VWA8: variants seen among roughly 807,000 people sequenced by gnomAD.
VWA8 encodes von Willebrand factor A domain containing 8, also known as von Willebrand factor A domain-containing protein 8.
In VWA8, 221 loss-of-function variants were observed where a neutral mutation model predicts 241.5. That is an observed-to-expected ratio of 0.91 (90% CI 0.82 to 1.02). VWA8 has a LOEUF of 1.02. Ranked by LOEUF, VWA8 falls within the 50% of genes least tolerant of loss-of-function variation. VWA8 has a pLI of 0.00. For missense variants in VWA8, 2,322 were observed against 2,328.7 expected, an observed-to-expected ratio of 1.00 and a Z score of 0.06; for synonymous variants, 852 against 827.1, an observed-to-expected ratio of 1.03 and a Z score of -0.52.
In VWA8 at chr13:41,590,681, C is replaced by T. The variant is rs1478625384; in HGVS notation, c.5071G>A (p.Glu1691Lys). The change falls in exon 41 of 45, where the codon GAA becomes AAA. Residue 1691 changes from glutamate (E) to lysine (K), a missense_variant. By Grantham distance (56) the Glu-to-Lys change is moderately conservative. Transcript: ENST00000379310. ...DAKIIDGLTG[E>K]KAIYKRRGEL... ...CCCCGACGTTTGTAGATGGCTTTTT[C>T]TCCAGTCAGCCCATCAATGATCTTG... 1.1e-5 allele frequency: 17 copies of T among 1,613,972 alleles called. No individual in the cohort carries two copies. The highest frequency in any genetic ancestry group is 1.4e-5 in the Non-Finnish European group (17 of 1,180,016).
intron 2 of VWA8, among the ~76,000 whole-genome samples, chr13:41,919,429 G>A (rs1057294470): frequency 2.0e-5 from 3 of 152,120 alleles, no homozygotes; most frequent in African/African-American, 4.8e-5. Flanking sequence ...CCGACACTGT[G>A]CCTTACCCCA....
chr13:41,674,187 G>A (rs910498212), intron 36 of VWA8, among the ~76,000 whole-genome samples: 2 of 151,952 alleles, frequency 1.3e-5, no homozygotes, highest in Non-Finnish European at 2.9e-5. Flanking sequence ...CTGATTAAAG[G>A]GTCCTAAGAA....
chr13:41,915,766 A>C (rs1441629214), intron 2 of VWA8, among the ~76,000 whole-genome samples: 1 of 152,232 alleles, frequency 6.6e-6, no homozygotes. Context: ...CCAATTTTAC[A>C]TAAGTTTCTT....
chr13:41,719,703 C>A lies in VWA8; in HGVS notation c.3004G>T (p.Val1002Leu). 7 of 1,613,070 alleles carry A rather than the reference C, an allele frequency of 4.3e-6. No individual in the cohort carries two copies. The highest frequency in any genetic ancestry group is 5.9e-6 in the Non-Finnish European group (7 of 1,179,418). The part of the protein sequence containing the change: ...TEGLSSVVRN[V>L]FDFDSYNNDM... ...TTGTTGTAGGAATCAAAGTCAAACA[C>A]ATTTCGAACTACACTGGAGAGACCT... Residue 1002 changes from valine to leucine, a missense_variant, in exon 26 of 45, where the codon GTG (valine) becomes TTG (leucine). Physicochemically the swap from Val to Leu is conservative, Grantham distance 32 (BLOSUM62 1). Transcript: ENST00000379310.
chr13:41,623,507 T>A (rs1345700288), intron 37 of VWA8, among the ~76,000 whole-genome samples: 2 of 152,228 alleles, frequency 1.3e-5, no homozygotes, highest in Non-Finnish European at 2.9e-5. Flanking sequence ...CAGAAGCTAC[T>A]GTCTTGATCT....
intron 4 of VWA8, among the ~76,000 whole-genome samples, chr13:41,898,807 C>T (rs1298866309): frequency 0.028 from 1 of 36 alleles, no homozygotes; most frequent in Non-Finnish European, 0.042. Context: ...ACACCCTCCA[C>T]ACGCCGCTGG....
chr13:41,785,250 A>C (rs1869131291), intron 18 of VWA8, among the ~76,000 whole-genome samples: 2 of 152,164 alleles, frequency 1.3e-5, no homozygotes. Flanking sequence ...AAGAGGAAAG[A>C]ATAATGAGAA....
Position 41,868,486 on chromosome 13 carries a change from T to G in VWA8, c.1081-9A>C. The stretch of plus-strand genomic sequence containing the variant: ...TCTTGAAGTTCAAAGCGCTGTAAAA[T>G]TACAAGAAAATCATGCAATTTACTT... On this transcript the variant is annotated splice_polypyrimidine_tract_variant and intron_variant, in intron 9 of 44. Transcript: ENST00000379310. 6.2e-7 allele frequency: 1 copy of G among 1,607,728 alleles called. No homozygotes were observed. Among genetic ancestry groups the G allele is most frequent in the Non-Finnish European group, 8.5e-7 (1 of 1,177,386 alleles).
intron 4 of VWA8, among the ~76,000 whole-genome samples, chr13:41,906,853 G>A (rs955122582): frequency 1.3e-5 from 2 of 151,998 alleles, no homozygotes; most frequent in Non-Finnish European, 2.9e-5. Context: ...ATTAATACTG[G>A]ACATTAGCAA....
intron 12 of VWA8, among the ~76,000 whole-genome samples, chr13:41,847,875 C>A (rs1386676858): frequency 2.6e-5 from 4 of 152,198 alleles, no homozygotes; most frequent in African/African-American, 9.7e-5. Context: ...ATGCAACATA[C>A]TCTAACTACA....
chr13:41,942,566 G>A (rs1877651005), intron 2 of VWA8, among the ~76,000 whole-genome samples: 1 of 152,158 alleles, frequency 6.6e-6, no homozygotes, highest in South Asian at 2.1e-4. Context: ...CAGACATAAT[G>A]TACCGAGAAG....
intron 37 of VWA8, among the ~76,000 whole-genome samples, chr13:41,639,656 C>G (rs1445718197): frequency 6.6e-6 from 1 of 152,122 alleles, no homozygotes; most frequent in African/African-American, 2.4e-5. Flanking sequence ...GCTTTATACA[C>G]ACTGAGGAAG....
intron 37 of VWA8, among the ~76,000 whole-genome samples, chr13:41,631,269 C>A (rs114167232): frequency 2.4e-3 from 363 of 152,292 alleles, no homozygotes; most frequent in African/African-American, 8.3e-3. Flanking sequence ...ATCCTCCCAC[C>A]TAAGCCTCCC....
At chr13:41,720,481 C>T (rs554988189) in intron 25 of VWA8, among the ~76,000 whole-genome samples, 1 of 152,230 alleles carries the variant, frequency 6.6e-6, no homozygotes, top group East Asian at 1.9e-4. Context: ...GTATGCCTTA[C>T]AGAATGGTTA....
intron 34 of VWA8, among the ~76,000 whole-genome samples, chr13:41,687,377 G>T (rs554676458): frequency 4.1e-4 from 62 of 152,216 alleles, no homozygotes; most frequent in African/African-American, 1.5e-3. Flanking sequence ...TAGCTATTTG[G>T]TATTAGATTT....
intron 40 of VWA8, 35 bp downstream of exon 40, chr13:41,605,133 C>T: frequency 6.2e-7 from 1 of 1,601,684 alleles, no homozygotes; most frequent in South Asian, 1.1e-5. Context: ...GGTTTGGGCC[C>T]AGGTTATTTT....
rs1456529929 is a variant in VWA8, at chr13:41,784,735, C to CAT, written c.2171-835_2171-834insAT. Among the ~76,000 whole-genome samples the CAT allele has an allele frequency of 6.3e-3, 298 of 47,656 alleles. 22 individuals are homozygous for CAT. Among genetic ancestry groups the CAT allele is most frequent in the Non-Finnish European group, 0.013 (251 of 19,500 alleles). The allele number at this position is 47,656 out of a possible 152,430, so 31.3% of individuals were successfully genotyped here. On this transcript the variant is annotated intron_variant, in intron 18 of 44. Coordinates refer to ENST00000379310, the MANE Select transcript of VWA8 (RefSeq NM_015058.2). Reference sequence around the variant, plus strand: ...ATATATATATATATATATATACACACACATATATATATATATATATATATA... The same window carrying CAT: ...ATATATATATATATATATATACACACATACATATATATATATATATATATATA...
intron 21 of VWA8, among the ~76,000 whole-genome samples, chr13:41,733,624 A>C (rs769873466): frequency 2.0e-5 from 3 of 152,108 alleles, no homozygotes; most frequent in Non-Finnish European, 4.4e-5. Context: ...GTGCTTCTTG[A>C]AAGATCCCTT....
At chr13:41,795,470 C>T (rs1156543293) in intron 17 of VWA8, among the ~76,000 whole-genome samples, 1 of 152,190 alleles carries the variant, frequency 6.6e-6, no homozygotes, top group Non-Finnish European at 1.5e-5. Context: ...GAATATAAAT[C>T]ATTCTGTTAT....
Sources: allele counts gnomAD v4.1 joint callset (sites outside exome capture counted in the v4.1 genomes callset), GRCh38; gene constraint gnomAD v4.1.1; transcripts MANE v1.5; gene names NCBI Gene and HGNC (gene_info 2026-07-23, HGNC 2026-07-21).